RBFOX1: variants seen among roughly 807,000 people sequenced by gnomAD.
The protein encoded by RBFOX1 is RNA binding fox-1 homolog 1.
A neutral mutation model predicts 57.7 loss-of-function variants in RBFOX1; 8 were observed. The ratio of observed to expected loss-of-function variants is 0.14; its 90% CI spans 0.08 to 0.25. The LOEUF is 0.25. RBFOX1 is among the 10% of genes least tolerant of loss of function. The pLI is 1.00. For missense variants in RBFOX1, 611 were observed against 548.5 expected, an observed-to-expected ratio of 1.11 and a Z score of -1.14; for synonymous variants, 326 against 222.4, an observed-to-expected ratio of 1.47 and a Z score of -4.15.
chr16:7,189,884 C>T (rs2084949372), intron 4 of RBFOX1, among the ~76,000 whole-genome samples: 1 of 152,208 alleles, frequency 6.6e-6, no homozygotes, highest in South Asian at 2.1e-4. Context: ...AGGCCCAACT[C>T]ACATCCATAA....
At chr16:7,057,486 A>C (rs1043894820) in intron 4 of RBFOX1, among the ~76,000 whole-genome samples, 1 of 152,152 alleles carries the variant, frequency 6.6e-6, no homozygotes, top group Non-Finnish European at 1.5e-5. Context: ...TCTAGCCCCT[A>C]AGATGTATGT....
chr16:6,077,397 C>G (rs1408489604), intron 1 of RBFOX1, among the ~76,000 whole-genome samples: 1 of 152,086 alleles, frequency 6.6e-6, no homozygotes, highest in African/African-American at 2.4e-5. Context: ...CAGTTTGGGG[C>G]AAGCCTGTTT....
At chr16:5,761,660 A>G (rs1180885425) in intron 3 of RBFOX1, among the ~76,000 whole-genome samples, 1 of 152,202 alleles carries the variant, frequency 6.6e-6, no homozygotes, top group Non-Finnish European at 1.5e-5. Context: ...CCATGTTTGA[A>G]TTACCTCTCA....
At chr16:6,396,213 C>G (rs1026929154) in intron 2 of RBFOX1, among the ~76,000 whole-genome samples, 1 of 152,012 alleles carries the variant, frequency 6.6e-6, no homozygotes, top group Non-Finnish European at 1.5e-5. Flanking sequence ...GATGGTACTC[C>G]CCAACAACCA....
chr16:5,274,986 G>A (rs10852652), intron 1 of RBFOX1, among the ~76,000 whole-genome samples: 3 of 151,434 alleles, frequency 2.0e-5, no homozygotes, highest in Middle Eastern at 3.2e-3. Context: ...TAGCTGATGC[G>A]AAGCTTGGGT....
At chr16:5,905,638 T>TA (rs1469215260) in intron 4 of RBFOX1, among the ~76,000 whole-genome samples, 2 of 152,094 alleles carry the variant, frequency 1.3e-5, no homozygotes, top group Non-Finnish European at 2.9e-5. Context: ...AAGGCTGCAG[T>TA]ACGCTGTGAA....
At chr16:5,788,775 C>T (rs538691762) in intron 3 of RBFOX1, among the ~76,000 whole-genome samples, 10 of 151,998 alleles carry the variant, frequency 6.6e-5, no homozygotes, top group Non-Finnish European at 1.5e-4. Context: ...CCGAGAGTGA[C>T]GTTGTCAGTG....
intron 4 of RBFOX1, among the ~76,000 whole-genome samples, chr16:5,873,004 A>G (rs940371443): frequency 2.6e-5 from 4 of 151,712 alleles, no homozygotes; most frequent in Non-Finnish European, 5.9e-5. Flanking sequence ...TACAAAAATT[A>G]GCTGGGTGTG....
At chr16:7,296,258 CCTTT>C (rs1182027144) in intron 4 of RBFOX1, among the ~76,000 whole-genome samples, 4 of 126,672 alleles carry the variant, frequency 3.2e-5, no homozygotes, top group Non-Finnish European at 4.9e-5. Context: ...ATTATGTCCT[CCTTT>C]TTTTTTTTTT....
chr16:5,363,845 A>G (rs1300090537), intron 1 of RBFOX1, among the ~76,000 whole-genome samples: 3 of 152,152 alleles, frequency 2.0e-5, no homozygotes, highest in South Asian at 2.1e-4. Context: ...TCTAGAGTGC[A>G]TGGCTGTTCC....
chr16:7,272,144 A>G (rs773671799), intron 4 of RBFOX1, among the ~76,000 whole-genome samples: 2 of 152,188 alleles, frequency 1.3e-5, no homozygotes, highest in Non-Finnish European at 2.9e-5. Flanking sequence ...TGGTTATGCA[A>G]TATTTAAATG....
intron 4 of RBFOX1, among the ~76,000 whole-genome samples, chr16:7,130,960 A>G (rs2070175970): frequency 6.6e-6 from 1 of 152,302 alleles, no homozygotes; most frequent in South Asian, 2.1e-4. Flanking sequence ...ACCACCTATA[A>G]GTGAAGGTGA....
rs66510060 is a variant in RBFOX1, at chr16:7,225,905, A to AATAAATAAATATATATATATAT, written c.27+173810_27+173811insAATAAATATATATATATATATA. On this transcript the variant is annotated intron_variant, in intron 4 of 15. Transcript: ENST00000550418. ...GTACCCTAGAACTTAAAGTATAATA[A>AATAAATAAATATATATATATAT]ATATATATATATATAAATGTGAATG... Among the ~76,000 whole-genome samples, 57 of 93,738 alleles carry AATAAATAAATATATATATATAT rather than the reference A, an allele frequency of 6.1e-4. 1 individual carries two copies. Among genetic ancestry groups the AATAAATAAATATATATATATAT allele is most frequent in the African/African-American group, 2.5e-3 (53 of 20,988 alleles). 61.5% of individuals were successfully genotyped at this position (93,738 alleles called of 152,430 possible).
intron 2 of RBFOX1, among the ~76,000 whole-genome samples, chr16:5,555,238 ATTAC>A (rs1049137183): frequency 3.9e-5 from 6 of 152,078 alleles, no homozygotes; most frequent in African/African-American, 1.2e-4. Flanking sequence ...GGTTTTTGCA[ATTAC>A]TTTTATTATT....
chr16:7,070,070 T>A (rs1314467471), intron 4 of RBFOX1, among the ~76,000 whole-genome samples: 1 of 152,186 alleles, frequency 6.6e-6, no homozygotes, highest in Non-Finnish European at 1.5e-5. Context: ...GCACAGTACA[T>A]CACTGCTGTT....
At chr16:6,866,572 C>T (rs1274569138) in intron 3 of RBFOX1, among the ~76,000 whole-genome samples, 7 of 38,398 alleles carry the variant, frequency 1.8e-4, no homozygotes, top group Admixed American at 3.7e-4. Context: ...GTTGGAGTCT[C>T]GCTCTGTCCC....
chr16:7,518,888 T>C (rs1379215874), intron 5 of RBFOX1, among the ~76,000 whole-genome samples: 3 of 152,110 alleles, frequency 2.0e-5, no homozygotes, highest in African/African-American at 7.2e-5. Flanking sequence ...CTGAGTGTCA[T>C]GGTGCATGCC....
intron 1 of RBFOX1, among the ~76,000 whole-genome samples, chr16:6,020,278 G>T (rs756467992): frequency 6.6e-6 from 1 of 152,066 alleles, no homozygotes; most frequent in Non-Finnish European, 1.5e-5. Context: ...TACCTCGTCC[G>T]TCCTCCTGGG....
At chr16:5,602,314 G>A (rs1054724660), downstream of RBFOX1, among the ~76,000 whole-genome samples, 1 of 152,224 alleles carries the variant, frequency 6.6e-6, no homozygotes, top group African/African-American at 2.4e-5. Context: ...TTTGCACCTT[G>A]GAGATGATTG....
Sources: gnomAD v4.1 joint callset for allele counts (sites outside exome capture counted in the v4.1 genomes callset) on GRCh38, gnomAD v4.1.1 for gene constraint, MANE v1.5 for transcripts, NCBI Gene and HGNC (gene_info 2026-07-23, HGNC 2026-07-21) for gene names.